DBT: variants seen among roughly 807,000 people sequenced by gnomAD.
The protein encoded by DBT is dihydrolipoamide branched chain transacylase E2, also known as lipoamide acyltransferase component of branched-chain alpha-keto acid dehydrogenase complex, mitochondrial.
In DBT, 40 loss-of-function variants were observed where a neutral mutation model predicts 51.3. The ratio of observed to expected loss-of-function variants is 0.78; its 90% CI spans 0.61 to 1.02. The LOEUF is 1.02. Ranked by LOEUF, DBT falls within the 50% of genes least tolerant of loss-of-function variation. The pLI is 0.00. For synonymous variants in DBT, 181 were observed against 190.4 expected (o/e 0.95, Z 0.41); for missense variants, 510 against 580.2 (o/e 0.88, Z 1.24).
chr1:100,191,591 A>G lies in DBT; in HGVS notation c.*4664T>C, dbSNP rs1343556315. ...TCTCCCAGATTCCCATTCTCGATCC[A>G]TGTAGTTGAATGAGGATGGCTGACT... On this transcript the variant is annotated 3_prime_UTR_variant, in exon 11 of 11. Coordinates refer to ENST00000370132, the MANE Select transcript of DBT (RefSeq NM_001918.5). 2 of 152,176 alleles carry G rather than the reference A, an allele frequency of 1.3e-5. No individual in the cohort carries two copies. Among genetic ancestry groups the G allele is most frequent in the African/African-American group, 2.4e-5 (1 of 41,412 alleles). 9.4% of individuals were successfully genotyped at this position (152,176 alleles called of 1,614,324 possible).
rs1244979991 is a variant in DBT, at chr1:100,193,644, C to T, written c.*2611G>A. The stretch of plus-strand genomic sequence containing the variant: ...ATTTAGAGACAGAGTCTCGCTCTAT[C>T]ACCAGGCTGGAGTGCAGTGGCTCAA... On this transcript the variant is annotated 3_prime_UTR_variant, in exon 11 of 11. Coordinates refer to ENST00000370132, the MANE Select transcript of DBT (RefSeq NM_001918.5). 1 of 152,204 alleles carries T rather than the reference C, an allele frequency of 6.6e-6. No homozygotes were observed. Among genetic ancestry groups the T allele is most frequent in the Non-Finnish European group, 1.5e-5 (1 of 68,068 alleles). The allele number at this position is 152,204 out of a possible 1,614,324, so 9.4% of individuals were successfully genotyped here.
chr1:100,187,872 G>T lies in DBT; in HGVS notation c.*8383C>A, dbSNP rs1660638836. ...AAGCTGTGACAAATTTTTGTATTTA[G>T]AAAGTATGACAATCTGAAAATCAAC... On this transcript the variant is annotated 3_prime_UTR_variant, in exon 11 of 11. Transcript: ENST00000370132. 6.6e-6 allele frequency: 1 copy of T among 152,120 alleles called. No homozygotes were observed. The highest frequency in any genetic ancestry group is 2.4e-5 in the African/African-American group (1 of 41,412). 9.4% of individuals were successfully genotyped at this position (152,120 alleles called of 1,614,324 possible). A position where few individuals can be genotyped will look rare whatever the true frequency, so the allele number is the denominator to read the frequency against.
At position 100,196,235 on chromosome 1, in the gene DBT, C is replaced by T. The variant is rs1344799709; in HGVS notation, c.*20G>A. Reference sequence around the variant, plus strand: ...ATACTCTTTGGAAGCTCAAAAAGTTCAAGAATGTCTTATCAGTCTTCATTT... The same window carrying T: ...ATACTCTTTGGAAGCTCAAAAAGTTTAAGAATGTCTTATCAGTCTTCATTT... On this transcript the variant is annotated 3_prime_UTR_variant, in exon 11 of 11. Coordinates refer to ENST00000370132, the MANE Select transcript of DBT (RefSeq NM_001918.5). 1.2e-6 allele frequency: 2 copies of T among 1,610,978 alleles called. No individual in the cohort carries two copies. Among genetic ancestry groups the T allele is most frequent in the Admixed American group, 3.3e-5 (2 of 59,952 alleles).
rs370910725 is a variant in DBT at position 100,191,132 on chromosome 1, G to A, written c.*5123C>T. 8.5e-5 allele frequency: 13 copies of A among 152,288 alleles called. No homozygotes were observed. The South Asian group carries it at 2.5e-3, about 29-fold the overall frequency. 9.4% of individuals were successfully genotyped at this position (152,288 alleles called of 1,614,324 possible). On this transcript the variant is annotated 3_prime_UTR_variant, in exon 11 of 11. Transcript: ENST00000370132. ...CCATAATTAAGGTGCCAGTATAAGA[G>A]TAGAGCATTAAAGCTAGTGAGTATA...
rs1161001732 is a variant in DBT, at chr1:100,191,749, TACACACACACACACAC to T, written c.*4490_*4505del. 0.039 allele frequency: 1,914 copies of T among 48,962 alleles called. 64 individuals carry two copies. The highest frequency in any genetic ancestry group is 0.063 in the African/African-American group (1,562 of 24,958). 3.0% of individuals were successfully genotyped at this position (48,962 alleles called of 1,614,324 possible). On this transcript the variant is annotated 3_prime_UTR_variant, in exon 11 of 11. Transcript: ENST00000370132. ...GTGTGTATATATATGTGTGTGTGTA[TACACACACACACACAC>T]ACACACACACACACACACACACACA... is the stretch of plus-strand genomic sequence containing the variant.
chr1:100,235,169 C>T (rs925034371), intron 3 of DBT, among the ~76,000 whole-genome samples: 8 of 152,066 alleles, frequency 5.3e-5, no homozygotes, highest in Admixed American at 1.3e-4. Flanking sequence ...AAGTCATTTT[C>T]GTAACAGTGA....
chr1:100,249,763 T>C lies in DBT; in HGVS notation c.51+7A>G. 6.2e-7 allele frequency: 1 copy of C among 1,613,984 alleles called. No homozygotes were observed. The highest frequency in any genetic ancestry group is 1.1e-5 in the South Asian group (1 of 91,080). On this transcript the variant is annotated splice_region_variant and intron_variant, in intron 1 of 10. Coordinates refer to ENST00000370132, the MANE Select transcript of DBT (RefSeq NM_001918.5). ...TCCCGGCCTCAGATCTGCCCAAACG[T>C]GCTTACCAGCTTCCCCGCATTCCTG...
chr1:100,207,217 C>T (rs1395525914), intron 8 of DBT, among the ~76,000 whole-genome samples: 2 of 152,180 alleles, frequency 1.3e-5, no homozygotes, highest in South Asian at 2.1e-4. Context: ...ACATCTGAAA[C>T]TTCTGGGGGC....
chr1:100,249,711 C>T, intron 1 of DBT, 59 bp downstream of exon 1: 3 of 1,562,376 alleles, frequency 1.9e-6, no homozygotes, highest in South Asian at 1.1e-5. Flanking sequence ...AACACCACTC[C>T]TGGATGACTC....
At chr1:100,215,126 A>T (rs1451410030) in intron 6 of DBT, 143 bp from the exon 7 acceptor site, 15 of 653,162 alleles carry the variant, frequency 2.3e-5, no homozygotes, top group Non-Finnish European at 3.4e-5. Flanking sequence ...TACTCTCTTC[A>T]TTACATTACA....
At chr1:100,198,643 T>C (rs1391666916) in intron 10 of DBT, among the ~76,000 whole-genome samples, 1 of 152,200 alleles carries the variant, frequency 6.6e-6, no homozygotes, top group African/African-American at 2.4e-5. Context: ...AAATGTTGAA[T>C]TCTTGTTGGA....
At chr1:100,210,658 TTAATAA>T (rs760771288) in intron 8 of DBT, 30 bp downstream of exon 8, 10 of 1,612,240 alleles carry the variant, frequency 6.2e-6, no homozygotes, top group Non-Finnish European at 6.8e-6. Context: ...CCATCTTCTA[TTAATAA>T]TAAGAACATT....
At chr1:100,225,042 A>AAAATAT (rs59482100) in intron 4 of DBT, among the ~76,000 whole-genome samples, 3 of 45,630 alleles carry the variant, frequency 6.6e-5, no homozygotes, top group African/African-American at 2.0e-4. Flanking sequence ...AAAAAAAAAA[A>AAAATAT]ATATATATAT....
At chr1:100,231,337 A>G (rs924749826) in intron 3 of DBT, among the ~76,000 whole-genome samples, 7 of 152,194 alleles carry the variant, frequency 4.6e-5, no homozygotes, top group Non-Finnish European at 1.0e-4. Context: ...TTGTAATTTC[A>G]TGAATTTTAG....
At chr1:100,228,215 A>G (rs1382001338) in intron 4 of DBT, among the ~76,000 whole-genome samples, 2 of 152,232 alleles carry the variant, frequency 1.3e-5, no homozygotes, top group Non-Finnish European at 2.9e-5. Flanking sequence ...AACAAGTTAA[A>G]TAACACCACA....
At chr1:100,232,730 A>G (rs1203588246) in intron 3 of DBT, among the ~76,000 whole-genome samples, 2 of 152,166 alleles carry the variant, frequency 1.3e-5, no homozygotes, top group African/African-American at 2.4e-5. Flanking sequence ...CAGCCTCCCA[A>G]GTAGCTGACA....
intron 7 of DBT, chr1:100,213,261 C>T (rs1293113937): frequency 7.6e-7 from 1 of 1,313,770 alleles, no homozygotes; most frequent in Non-Finnish European, 9.7e-7. Flanking sequence ...GCCGCGTCCC[C>T]GCCGGGGCCG....
At chr1:100,207,292 C>T (rs1330067328) in intron 8 of DBT, among the ~76,000 whole-genome samples, 1 of 152,050 alleles carries the variant, frequency 6.6e-6, no homozygotes, top group East Asian at 1.9e-4. Flanking sequence ...GAGTCAAGAT[C>T]CATCTTCAGA....
intron 4 of DBT, among the ~76,000 whole-genome samples, chr1:100,225,261 G>T (rs2100816694): frequency 6.6e-6 from 1 of 151,546 alleles, no homozygotes; most frequent in Non-Finnish European, 1.5e-5. Context: ...CCACTCGTTG[G>T]TTTTCTGTTA....
Sources: allele counts gnomAD v4.1 joint callset (sites outside exome capture counted in the v4.1 genomes callset), GRCh38; gene constraint gnomAD v4.1.1; transcripts MANE v1.5; gene names NCBI Gene and HGNC (gene_info 2026-07-23, HGNC 2026-07-21).